Variants in PID1 observed in about 807,000 individuals in gnomAD.
PID1 encodes PTB-containing, cubilin and LRP1-interacting protein.
A neutral mutation model predicts 19.1 loss-of-function variants in PID1; 10 were observed. The ratio of observed to expected loss-of-function variants is 0.52; its 90% confidence interval spans 0.32 to 0.89. The LOEUF is 0.89. Ranked by LOEUF, PID1 falls within the 40% of genes least tolerant of loss-of-function variation. PID1 has a pLI of 0.03. For missense variants in PID1, 248 were observed against 285.3 expected (o/e 0.87, Z 0.94); for synonymous variants, 130 against 116.0 (o/e 1.12, Z -0.78).
intron 2 of PID1, among the ~76,000 whole-genome samples, chr2:229,121,706 T>G (rs917097687): frequency 4.6e-5 from 7 of 152,118 alleles, no homozygotes; most frequent in African/African-American, 1.7e-4. Flanking sequence ...AGTATGTGTA[T>G]GGAGGGGGGA....
intron 1 of PID1, among the ~76,000 whole-genome samples, chr2:229,266,169 A>G (rs1251240372): frequency 1.3e-5 from 2 of 152,230 alleles, no homozygotes; most frequent in Admixed American, 6.5e-5. Context: ...AACAAAATCT[A>G]GAATGGGTTT....
intron 1 of PID1, among the ~76,000 whole-genome samples, chr2:229,232,431 C>CAA (rs386392861): frequency 0.57 from 23,744 of 41,350 alleles, 10,757 homozygotes; most frequent in Non-Finnish European, 0.66. Context: ...GACTCCATCT[C>CAA]AAAAAAAAAA....
chr2:229,144,885 T>C (rs1467352088), intron 2 of PID1, among the ~76,000 whole-genome samples: 1 of 152,052 alleles, frequency 6.6e-6, no homozygotes, highest in Non-Finnish European at 1.5e-5. Flanking sequence ...ATTGCTTTGA[T>C]ACAATTTAAA....
chr2:229,041,537 T>A (rs1170761112), intron 2 of PID1, among the ~76,000 whole-genome samples: 1 of 152,112 alleles, frequency 6.6e-6, no homozygotes, highest in East Asian at 1.9e-4. Flanking sequence ...TGACTCCCAG[T>A]GAAGTAATAA....
intron 1 of PID1, among the ~76,000 whole-genome samples, chr2:229,166,962 A>G (rs1316307570): frequency 1.4e-5 from 2 of 140,774 alleles, no homozygotes; most frequent in African/African-American, 2.5e-5. Context: ...AAAAGAAAAG[A>G]AAGGAAGGGG....
chr2:229,175,019 G>A (rs561491611), intron 1 of PID1, among the ~76,000 whole-genome samples: 1 of 152,310 alleles, frequency 6.6e-6, no homozygotes, highest in African/African-American at 2.4e-5. Flanking sequence ...TATATGGAGA[G>A]AAAACAGGGC....
chr2:229,043,151 G>T (rs1248636426), intron 2 of PID1, among the ~76,000 whole-genome samples: 1 of 151,780 alleles, frequency 6.6e-6, no homozygotes, highest in African/African-American at 2.4e-5. Context: ...GATTACAGGG[G>T]CTCGCCACCA....
chr2:229,052,833 A>G (rs1026222179), intron 2 of PID1, among the ~76,000 whole-genome samples: 2 of 152,238 alleles, frequency 1.3e-5, no homozygotes, highest in South Asian at 2.1e-4. Context: ...TAGTGGACCA[A>G]GAATAATTAA....
At chr2:229,115,696 T>G (rs1307185518) in intron 2 of PID1, among the ~76,000 whole-genome samples, 1 of 152,178 alleles carries the variant, frequency 6.6e-6, no homozygotes, top group Non-Finnish European at 1.5e-5. Context: ...AATATCAATT[T>G]ACAATACTGA....
intron 1 of PID1, among the ~76,000 whole-genome samples, chr2:229,202,666 GTCA>G (rs1170118132): frequency 6.6e-6 from 1 of 151,974 alleles, no homozygotes; most frequent in Non-Finnish European, 1.5e-5. Context: ...CTGTCACCTG[GTCA>G]TCAACTATTA....
chr2:229,125,900 TTC>T (rs1483053042), intron 2 of PID1, among the ~76,000 whole-genome samples: 1 of 152,180 alleles, frequency 6.6e-6, no homozygotes, highest in Admixed American at 6.5e-5. Context: ...AATATGAAGC[TTC>T]TGTTTCTCGG....
rs375867544 is a variant in PID1 at position 229,030,250 on chromosome 2, G to C, written c.178-4142C>G. On this transcript the variant is annotated intron_variant, in intron 2 of 2. Coordinates refer to ENST00000392055, the MANE Select transcript of PID1 (RefSeq NM_001100818.2). ...CCAATTAGAATTGTGGTTGCCGGGG[G>C]ATTGGGGGAGGGACGAATGAGGAGT... is the stretch of plus-strand genomic sequence containing the variant. Among the ~76,000 whole-genome samples the C allele has an allele frequency of 5.3e-5, 8 of 152,288 alleles. No homozygotes were observed. In the East Asian group the frequency reaches 1.5e-3, roughly 29 times the overall value.
At chr2:229,060,391 A>C (rs751196221) in intron 2 of PID1, among the ~76,000 whole-genome samples, 3 of 152,090 alleles carry the variant, frequency 2.0e-5, no homozygotes, top group Admixed American at 2.0e-4. Context: ...TGGGCCTAGC[A>C]ATAAGCACTT....
At chr2:229,080,045 G>A (rs1241851977) in intron 2 of PID1, among the ~76,000 whole-genome samples, 3 of 152,172 alleles carry the variant, frequency 2.0e-5, no homozygotes, top group Non-Finnish European at 2.9e-5. Context: ...CAGGTGAGGC[G>A]GGGCCTCTCC....
chr2:229,130,488 A>T (rs1159148311), intron 2 of PID1, among the ~76,000 whole-genome samples: 1 of 152,236 alleles, frequency 6.6e-6, no homozygotes, highest in African/African-American at 2.4e-5. Context: ...GAGAGATAGG[A>T]AAAGATCATT....
chr2:229,142,866 A>G (rs1167211335), intron 2 of PID1, among the ~76,000 whole-genome samples: 1 of 151,856 alleles, frequency 6.6e-6, no homozygotes, highest in East Asian at 1.9e-4. Flanking sequence ...AAAGGACTAT[A>G]AATCATGCTG....
intron 1 of PID1, among the ~76,000 whole-genome samples, chr2:229,237,440 G>A (rs930819204): frequency 1.3e-5 from 2 of 152,096 alleles, no homozygotes; most frequent in African/African-American, 4.8e-5. Context: ...GACCTAACAA[G>A]CATTATTCTC....
At chr2:229,067,685 C>T (rs1423598513) in intron 2 of PID1, among the ~76,000 whole-genome samples, 3 of 152,134 alleles carry the variant, frequency 2.0e-5, no homozygotes, top group Non-Finnish European at 4.4e-5. Context: ...ATGCCTCCCC[C>T]GATAGGATAA....
chr2:229,246,613 T>A (rs1462059606), intron 1 of PID1, among the ~76,000 whole-genome samples: 1 of 152,080 alleles, frequency 6.6e-6, no homozygotes, highest in African/African-American at 2.4e-5. Context: ...GGAAGAACCA[T>A]CCACGGAACA....
Sources: allele counts gnomAD v4.1 joint callset (sites outside exome capture counted in the v4.1 genomes callset), GRCh38; gene constraint gnomAD v4.1.1; transcripts MANE v1.5; gene names NCBI Gene and HGNC (gene_info 2026-07-23, HGNC 2026-07-21).